Variants in GSE1 observed in about 807,000 individuals in gnomAD.
GSE1 encodes the protein genetic suppressor element 1.
Under a neutral mutation model 112.6 loss-of-function variants are expected in GSE1, and 32 were observed. That is an observed-to-expected ratio of 0.28 (90% CI 0.21 to 0.38). GSE1 has a LOEUF of 0.38. Among genes scored for constraint, GSE1 ranks in the 10% least tolerant of loss-of-function variants. GSE1 has a pLI of 1.00. For synonymous variants in GSE1, 1,115 were observed against 735.6 expected (o/e 1.52, Z -8.35); for missense variants, 2,348 against 1,699.2 (o/e 1.38, Z -6.71).
chr16:85,598,730 G>A (rs2047341022), intron 1 of GSE1, among the ~76,000 whole-genome samples: 1 of 152,234 alleles, frequency 6.6e-6, no homozygotes, highest in Admixed American at 6.5e-5. Context: ...ATTGAGTGCT[G>A]GGAGGGCTGG....
chr16:85,346,692 GTGAT>G (rs894928843), intron 1 of GSE1, among the ~76,000 whole-genome samples: 12 of 150,632 alleles, frequency 8.0e-5, no homozygotes, highest in African/African-American at 1.2e-4. Flanking sequence ...GGATGGATGA[GTGAT>G]TGACAGGTAG....
At chr16:85,590,938 G>C (rs1298214008) in intron 1 of GSE1, among the ~76,000 whole-genome samples, 2 of 152,178 alleles carry the variant, frequency 1.3e-5, no homozygotes, top group Admixed American at 6.5e-5. Context: ...CATGCGGTGG[G>C]GGGGACCAGA....
chr16:85,375,004 G>C (rs1046124208), intron 2 of GSE1, among the ~76,000 whole-genome samples: 2 of 152,204 alleles, frequency 1.3e-5, no homozygotes, highest in Admixed American at 6.5e-5. Flanking sequence ...CCAGCGTTCT[G>C]GGTTTTGATC....
chr16:85,270,898 C>T (rs952132644), intron 1 of GSE1, among the ~76,000 whole-genome samples: 18 of 152,248 alleles, frequency 1.2e-4, no homozygotes, highest in African/African-American at 3.4e-4. Flanking sequence ...AGAAGGCACC[C>T]GGTGCAGGCA....
In GSE1 at chr16:85,675,015, C is replaced by G. The variant is rs941840899; in HGVS notation, c.*2476C>G. ...TGTCTCAAAAACGAAAGCACACCAC[C>G]CAAGACACAGTACCCAGTCATGGTT... On this transcript the variant is annotated 3_prime_UTR_variant, in exon 16 of 16. Coordinates refer to ENST00000253458, the MANE Select transcript of GSE1 (RefSeq NM_014615.5). 3.3e-5 allele frequency: 5 copies of G among 152,494 alleles called. No homozygotes were observed. The highest frequency in any genetic ancestry group is 1.2e-4 in the African/African-American group (5 of 41,424). 9.4% of individuals were successfully genotyped at this position (152,494 alleles called of 1,614,324 possible). A position where few individuals can be genotyped will look rare whatever the true frequency, so the allele number is the denominator to read the frequency against.
intron 1 of GSE1, among the ~76,000 whole-genome samples, chr16:85,563,555 T>C (rs1004609244): frequency 3.9e-5 from 6 of 152,054 alleles, no homozygotes; most frequent in African/African-American, 1.2e-4. Flanking sequence ...CAGGTCCAGG[T>C]CTTATCTCCA....
rs961969619 is a variant in GSE1, at chr16:85,648,543, C to T, written c.227-9C>T. On this transcript the variant is annotated splice_polypyrimidine_tract_variant and intron_variant, in intron 2 of 15. Coordinates refer to ENST00000253458, the MANE Select transcript of GSE1 (RefSeq NM_014615.5). Reference sequence around the variant, plus strand: ...GCTCCCACTCAGGCCACCGTCTTCTCCTCCACAGGGTCCTCACTGAGCAGC... The same window carrying T: ...GCTCCCACTCAGGCCACCGTCTTCTTCTCCACAGGGTCCTCACTGAGCAGC... 1.3e-6 allele frequency: 2 copies of T among 1,493,228 alleles called. No individual in the cohort carries two copies. Among genetic ancestry groups the T allele is most frequent in the African/African-American group, 2.8e-5 (2 of 70,378 alleles). The allele number at this position is 1,493,228 out of a possible 1,614,324, so 92.5% of individuals were successfully genotyped here. A position where few individuals can be genotyped will look rare whatever the true frequency, so the allele number is the denominator to read the frequency against.
intron 2 of GSE1, among the ~76,000 whole-genome samples, chr16:85,476,820 C>G (rs948188234): frequency 6.6e-6 from 1 of 151,084 alleles, no homozygotes; most frequent in Non-Finnish European, 1.5e-5. Context: ...ACTGTGTTGC[C>G]CCAGCTGGCC....
chr16:85,467,188 C>T (rs943287213), intron 2 of GSE1, among the ~76,000 whole-genome samples: 1 of 152,262 alleles, frequency 6.6e-6, no homozygotes, highest in Admixed American at 6.5e-5. Flanking sequence ...TTCACCCTTG[C>T]CTGACTGAAC....
chr16:85,634,827 C>T (rs879465975), intron 2 of GSE1, among the ~76,000 whole-genome samples: 12 of 152,254 alleles, frequency 7.9e-5, no homozygotes, highest in South Asian at 2.1e-4. Flanking sequence ...TTGGCGCCTG[C>T]GATGACCATT....
intron 1 of GSE1, among the ~76,000 whole-genome samples, chr16:85,251,384 G>T (rs945917907): frequency 3.9e-5 from 6 of 152,262 alleles, no homozygotes; most frequent in African/African-American, 1.4e-4. Context: ...CCCAGGAAGC[G>T]CCGGGTGAGT....
chr16:85,479,377 C>G (rs1284991510), intron 2 of GSE1, among the ~76,000 whole-genome samples: 1 of 151,502 alleles, frequency 6.6e-6, no homozygotes, highest in African/African-American at 2.4e-5. Flanking sequence ...TCATGTTGGC[C>G]AGGCTGGTCT....
chr16:85,630,735 T>G (rs2049474327), intron 1 of GSE1, among the ~76,000 whole-genome samples: 1 of 152,206 alleles, frequency 6.6e-6, no homozygotes, highest in Non-Finnish European at 1.5e-5. Context: ...CAGGTGCTGG[T>G]AATGAGCAGT....
intron 1 of GSE1, among the ~76,000 whole-genome samples, chr16:85,630,646 A>G (rs564357215): frequency 2.0e-5 from 3 of 152,156 alleles, no homozygotes; most frequent in Non-Finnish European, 2.9e-5. Flanking sequence ...AGTTCAACGT[A>G]TCTTAGCTGT....
At chr16:85,429,999 A>C (rs996604765) in intron 2 of GSE1, among the ~76,000 whole-genome samples, 1 of 152,354 alleles carries the variant, frequency 6.6e-6, no homozygotes, top group Middle Eastern at 3.4e-3. Flanking sequence ...AAAAACGTGC[A>C]GTAAGCACAG....
chr16:85,597,828 A>G (rs1195471904), intron 1 of GSE1, among the ~76,000 whole-genome samples: 1 of 152,166 alleles, frequency 6.6e-6, no homozygotes, highest in East Asian at 1.9e-4. Context: ...CTCAGGTTAG[A>G]TCTTTTTGCA....
chr16:85,661,114 T>C (rs1009981185), intron 8 of GSE1, 32 bp from the exon 9 acceptor site: 2 of 1,532,640 alleles, frequency 1.3e-6, no homozygotes, highest in African/African-American at 2.8e-5. Flanking sequence ...GGGTCTTTTC[T>C]CCCTGACTGA....
At chr16:85,282,074 C>A (rs1288217709) in intron 1 of GSE1, among the ~76,000 whole-genome samples, 1 of 151,574 alleles carries the variant, frequency 6.6e-6, no homozygotes, top group Non-Finnish European at 1.5e-5. Context: ...GTCACCCAGG[C>A]TGTAGTGCAG....
chr16:85,176,039 C>T (rs933624251), intron 1 of GSE1, among the ~76,000 whole-genome samples: 4 of 151,354 alleles, frequency 2.6e-5, no homozygotes, highest in African/African-American at 7.4e-5. Context: ...CCCAGGCTGG[C>T]GTGCAATGGT....
Sources: gnomAD v4.1 joint callset for allele counts (sites outside exome capture counted in the v4.1 genomes callset) on GRCh38, gnomAD v4.1.1 for gene constraint, MANE v1.5 for transcripts, NCBI Gene and HGNC (gene_info 2026-07-23, HGNC 2026-07-21) for gene names.